CD163L1: variants seen among roughly 807,000 people sequenced by gnomAD.
CD163L1 encodes CD163 molecule like 1, also known as scavenger receptor cysteine-rich type 1 protein M160.
Under a neutral mutation model 165.4 loss-of-function variants are expected in CD163L1, and 124 were observed. That is an observed-to-expected ratio of 0.75 (90% CI 0.65 to 0.87). The LOEUF (loss-of-function observed/expected upper bound fraction) is 0.87. CD163L1 is among the 40% of genes least tolerant of loss of function. The pLI, the probability that CD163L1 is intolerant of heterozygous loss-of-function variation, is 0.00. For missense variants in CD163L1, 1,525 were observed against 1,799.9 expected, an observed-to-expected ratio of 0.85 and a Z score of 2.76; for synonymous variants, 585 against 662.2, an observed-to-expected ratio of 0.88 and a Z score of 1.79.
the CD163L1 span, among the ~76,000 whole-genome samples, chr12:7,333,439 C>G: frequency 6.6e-6 from 1 of 152,046 alleles, no homozygotes; most frequent in Non-Finnish European, 1.5e-5. Context: ...TCTTTGAAAC[C>G]AATGAGAACA....
Position 7,379,158 on chromosome 12 carries a change from G to A in CD163L1, c.2191C>T (p.Leu731Phe). 1.9e-6 allele frequency: 3 copies of A among 1,614,074 alleles called. No individual in the cohort carries two copies. Among genetic ancestry groups the A allele is most frequent in the Non-Finnish European group, 2.5e-6 (3 of 1,180,002 alleles). ...ACCCTGATTGCAGACCCACATTCAA[G>A]TTGCCTGCAAACAACTTCAGCAATG... ...MNIAEVVCRQLECGSAIRVSR... is the reference protein window; with the variant it reads ...MNIAEVVCRQFECGSAIRVSR... Residue 731 changes from leucine (L) to phenylalanine (F), a missense_variant, in exon 9 of 20, where the codon CTT becomes TTT. By Grantham distance (22) the Leu-to-Phe change is conservative. Transcript: ENST00000313599.
At chr12:7,385,892 A>G (rs2136461698) in intron 8 of CD163L1, among the ~76,000 whole-genome samples, 1 of 152,138 alleles carries the variant, frequency 6.6e-6, no homozygotes, top group South Asian at 2.1e-4. Flanking sequence ...AAAAAAGCAA[A>G]AAAGTAGAAA....
intron 18 of CD163L1, among the ~76,000 whole-genome samples, chr12:7,359,923 C>A (rs1946856942): frequency 1.3e-5 from 2 of 152,008 alleles, no homozygotes; most frequent in Non-Finnish European, 2.9e-5. Context: ...ACTTTTGTCT[C>A]CTTGCTTTTG....
At chr12:7,421,357 G>A (rs866403118) in intron 4 of CD163L1, among the ~76,000 whole-genome samples, 33 of 91,828 alleles carry the variant, frequency 3.6e-4, no homozygotes, top group East Asian at 1.6e-3. Context: ...GTATATATAT[G>A]TGTATATATG....
Position 7,435,868 on chromosome 12 carries a change from T to TA in CD163L1, c.125-2175dup, listed in dbSNP as rs1223315638. 2.6e-5 allele frequency among the ~76,000 whole-genome samples: 4 copies of TA among 152,092 alleles called. No homozygotes were observed. The South Asian group carries it at 6.2e-4, about 24-fold the overall frequency. On this transcript the variant is annotated intron_variant, in intron 2 of 19. Coordinates refer to ENST00000313599, the MANE Select transcript of CD163L1 (RefSeq NM_174941.6). ...TAATATATTTTACTTAACGAAAACTTAAATAATTATAGCCATTGCAACAGC... is the reference window on the plus strand; with the variant it reads ...TAATATATTTTACTTAACGAAAACTTAAAATAATTATAGCCATTGCAACAGC...
the CD163L1 span, chr12:7,324,679 GA>G: frequency 2.8e-6 from 4 of 1,441,524 alleles, no homozygotes; most frequent in Non-Finnish European, 3.9e-6. Context: ...GCTGAACCAA[GA>G]GAGGTCAATC....
the CD163L1 span, among the ~76,000 whole-genome samples, chr12:7,340,330 T>G: frequency 6.6e-6 from 1 of 152,184 alleles, no homozygotes; most frequent in Non-Finnish European, 1.5e-5. Context: ...AAGGGAAGAA[T>G]GGTACCACAT....
intron 8 of CD163L1, among the ~76,000 whole-genome samples, chr12:7,391,899 T>C (rs1488139875): frequency 2.6e-5 from 4 of 152,126 alleles, no homozygotes; most frequent in Non-Finnish European, 5.9e-5. Context: ...ATGCACCCAA[T>C]ACAGGAGCAC....
At chr12:7,339,279 C>T in the CD163L1 span, among the ~76,000 whole-genome samples, 7 of 152,040 alleles carry the variant, frequency 4.6e-5, no homozygotes, top group Admixed American at 6.6e-5. Context: ...GTATCTTGGG[C>T]CCTGACTGAA....
downstream of CD163L1, among the ~76,000 whole-genome samples, chr12:7,344,675 AC>A (rs1414627872): frequency 1.3e-5 from 2 of 152,098 alleles, no homozygotes; most frequent in Non-Finnish European, 2.9e-5. Context: ...TGAGTGTTCC[AC>A]CCTTGCAGCA....
At chr12:7,345,277 C>T (rs985273841), downstream of CD163L1, among the ~76,000 whole-genome samples, 2 of 152,086 alleles carry the variant, frequency 1.3e-5, no homozygotes, top group Admixed American at 6.5e-5. Flanking sequence ...AGCAGCCAGG[C>T]CACATCTTGA....
chr12:7,352,313 C>G (rs1469539370), downstream of CD163L1, among the ~76,000 whole-genome samples: 1 of 152,036 alleles, frequency 6.6e-6, no homozygotes, highest in Non-Finnish European at 1.5e-5. Context: ...CAGTGGAAAT[C>G]TTTGGCTTTA....
At position 7,398,544 on chromosome 12, in the gene CD163L1, G is replaced by A; in HGVS notation, c.1449C>T (p.Ser483=). The change falls in exon 7 of 20, where the codon AGC becomes AGT. Residue 483 remains serine, a synonymous_variant. Transcript: ENST00000313599. The surrounding 1 kb of genome is among the most constrained non-coding windows in gnomAD (Gnocchi z 4.5). The part of the protein sequence containing the change: ...DLDLRLVGAH[S]PCYGRLEVKY... Reference sequence around the variant, plus strand: ...TCACCTCCAATCTCCCATAACAGGGGCTATGAGCCCCGACAAGCCTTAGGT... The same window carrying A: ...TCACCTCCAATCTCCCATAACAGGGACTATGAGCCCCGACAAGCCTTAGGT... 1 of 1,606,384 alleles carries A rather than the reference G, an allele frequency of 6.2e-7. No individual in the cohort carries two copies. The highest frequency in any genetic ancestry group is 8.5e-7 in the Non-Finnish European group (1 of 1,176,386).
intron 4 of CD163L1, among the ~76,000 whole-genome samples, chr12:7,421,045 A>G (rs772738967): frequency 0.015 from 1,366 of 92,348 alleles, 78 homozygotes; most frequent in African/African-American, 0.074. Context: ...ACGTGTATAT[A>G]TATGTATATA....
chr12:7,426,297 G>A (rs375298697), intron 4 of CD163L1, among the ~76,000 whole-genome samples: 1 of 152,140 alleles, frequency 6.6e-6, no homozygotes, highest in African/African-American at 2.4e-5. Flanking sequence ...GTCTGGGAAT[G>A]GGGGGCAAGG....
chr12:7,333,136 G>A, the CD163L1 span, among the ~76,000 whole-genome samples: 16 of 151,960 alleles, frequency 1.1e-4, no homozygotes, highest in Admixed American at 3.3e-4. Context: ...TGCACCAAGC[G>A]GACCTAATAG....
At chr12:7,410,793 G>A (rs1948124325) in intron 4 of CD163L1, among the ~76,000 whole-genome samples, 1 of 151,322 alleles carries the variant, frequency 6.6e-6, no homozygotes, top group Admixed American at 6.6e-5. Context: ...TCACACCACT[G>A]CACTCCAGCC....
rs899681384 is a variant in CD163L1, at chr12:7,367,159, G to C, written c.4279+77C>G. On this transcript the variant is annotated intron_variant, in intron 18 of 19. Coordinates refer to ENST00000313599, the MANE Select transcript of CD163L1 (RefSeq NM_174941.6). The stretch of plus-strand genomic sequence containing the variant: ...GGCTGAGACACATCTCCATCGAGTG[G>C]GAGTTCCTAAATATCAGCGGTATTT... 7.7e-6 allele frequency: 6 copies of C among 782,002 alleles called. No individual in the cohort carries two copies. In the African/African-American group the frequency reaches 1.0e-4, roughly 13 times the overall value. 48.4% of individuals were successfully genotyped at this position (782,002 alleles called of 1,614,324 possible).
At chr12:7,383,651 C>G (rs1489441300) in intron 8 of CD163L1, among the ~76,000 whole-genome samples, 2 of 152,180 alleles carry the variant, frequency 1.3e-5, no homozygotes, top group African/African-American at 2.4e-5. Flanking sequence ...AGCTTCACAA[C>G]AGCCTTAACT....
Sources: allele counts gnomAD v4.1 joint callset (sites outside exome capture counted in the v4.1 genomes callset), GRCh38; gene constraint gnomAD v4.1.1; non-coding constraint Gnocchi (gnomAD v3.1); transcripts MANE v1.5; gene names NCBI Gene and HGNC (gene_info 2026-07-23, HGNC 2026-07-21).